TSPAN2: variants seen among roughly 807,000 people sequenced by gnomAD.
The protein encoded by TSPAN2 is tetraspanin 2.
Under a neutral mutation model 33.3 loss-of-function variants are expected in TSPAN2, and 24 were observed. The observed-to-expected ratio is 0.72, with a 90% confidence interval of 0.52 to 1.01. The LOEUF is 1.01. TSPAN2 is among the 50% of genes least tolerant of loss of function. The pLI is 0.00. For synonymous variants in TSPAN2, 114 were observed against 104.5 expected (o/e 1.09, Z -0.56); for missense variants, 278 against 281.3 (o/e 0.99, Z 0.08).
chr1:115,064,783 A>C (rs1346778247), intron 2 of TSPAN2, among the ~76,000 whole-genome samples: 5 of 152,196 alleles, frequency 3.3e-5, no homozygotes, highest in African/African-American at 1.2e-4. Flanking sequence ...CTCCAAAGCC[A>C]AGCACATGAG....
At chr1:115,059,149 G>A (rs1319761899) in intron 4 of TSPAN2, among the ~76,000 whole-genome samples, 168 bp from the exon 5 acceptor site, 1 of 152,134 alleles carries the variant, frequency 6.6e-6, no homozygotes, top group Admixed American at 6.5e-5. Flanking sequence ...AGTGAGGTGA[G>A]GGATAAAAGA....
chr1:115,069,929 G>A, intron 2 of TSPAN2, among the ~76,000 whole-genome samples: 1 of 152,076 alleles, frequency 6.6e-6, no homozygotes. Context: ...ATGACATGAA[G>A]GAGAGCTCAC....
At chr1:115,072,408 C>T (rs981169432) in intron 2 of TSPAN2, among the ~76,000 whole-genome samples, 1 of 152,140 alleles carries the variant, frequency 6.6e-6, no homozygotes, top group African/African-American at 2.4e-5. Context: ...ACCTTCAAAC[C>T]TGTATTTTGA....
In TSPAN2 at chr1:115,048,102, A is replaced by C. The variant is rs1342111224; in HGVS notation, c.*2388T>G. ...AGTGCCTTGGCATGAGACATTTAAA[A>C]GCATGTTTGGGTCTAATCTCAAATT... On this transcript the variant is annotated 3_prime_UTR_variant, in exon 8 of 8. Coordinates refer to ENST00000369516, the MANE Select transcript of TSPAN2 (RefSeq NM_005725.6). 1 of 151,768 alleles carries C rather than the reference A, an allele frequency of 6.6e-6. No individual in the cohort carries two copies. The highest frequency in any genetic ancestry group is 1.5e-5 in the Non-Finnish European group (1 of 67,836). 9.4% of individuals were successfully genotyped at this position (151,768 alleles called of 1,614,324 possible).
In TSPAN2 at chr1:115,077,701, C is replaced by G. The variant is rs190979086; in HGVS notation, c.70-4694G>C. 2.6e-5 allele frequency among the ~76,000 whole-genome samples: 4 copies of G among 152,326 alleles called. No homozygotes were observed. The East Asian group carries it at 7.7e-4, about 29-fold the overall frequency. ...TAGATTTCAATTTTATTTTACTGTA[C>G]TTACTTCCATTTCCTGGGATTGCTG... On this transcript the variant is annotated intron_variant, in intron 1 of 7. Coordinates refer to ENST00000369516, the MANE Select transcript of TSPAN2 (RefSeq NM_005725.6).
At chr1:115,086,588 C>T (rs1016071387) in intron 1 of TSPAN2, among the ~76,000 whole-genome samples, 1 of 152,166 alleles carries the variant, frequency 6.6e-6, no homozygotes, top group Non-Finnish European at 1.5e-5. Context: ...CACTGGTTAA[C>T]ACATTCAAGC....
intron 1 of TSPAN2, among the ~76,000 whole-genome samples, chr1:115,086,948 G>A (rs1210027926): frequency 2.6e-5 from 4 of 151,896 alleles, no homozygotes; most frequent in Non-Finnish European, 5.9e-5. Context: ...ATGGAGTTTC[G>A]CTCTTGTTGC....
chr1:115,059,304 T>C (rs529506663), intron 4 of TSPAN2, among the ~76,000 whole-genome samples: 61 of 152,218 alleles, frequency 4.0e-4, no homozygotes, highest in Non-Finnish European at 6.0e-4. Context: ...TGCCTTTCCA[T>C]AGGTATTTTA....
chr1:115,056,269 A>C (rs960642849), intron 6 of TSPAN2, among the ~76,000 whole-genome samples: 1 of 152,124 alleles, frequency 6.6e-6, no homozygotes, highest in Non-Finnish European at 1.5e-5. Context: ...TTGGACTTTG[A>C]CTTTTGTAAA....
chr1:115,048,811 T>C lies in TSPAN2; in HGVS notation c.*1679A>G, dbSNP rs1334589557. On this transcript the variant is annotated 3_prime_UTR_variant, in exon 8 of 8. Transcript: ENST00000369516. ...AGCTACAGACACAGTAAAGTAGCCA[T>C]GTATAATTAAGTTTTTAGCTTGCCT... The C allele has an allele frequency of 6.6e-6, 1 of 152,162 alleles. No homozygotes were observed. The highest frequency in any genetic ancestry group is 2.4e-5 in the African/African-American group (1 of 41,450). 9.4% of individuals were successfully genotyped at this position (152,162 alleles called of 1,614,324 possible).
chr1:115,062,227 A>G lies in TSPAN2; in HGVS notation c.178T>C (p.Tyr60His). ...AGGGCCCCGGCTCCAACCAGAACAT[A>G]CAGCCCTGTGGGGAAGAGGTCAGAG... is the stretch of plus-strand genomic sequence containing the variant. ...KSPEYFYVGL[Y>H]VLVGAGALMM... The change falls in exon 3 of 8, where the codon TAT becomes CAT. Residue 60 changes from tyrosine to histidine, a missense_variant. By Grantham distance (83) the Tyr-to-His change is moderately conservative. Coordinates refer to ENST00000369516, the MANE Select transcript of TSPAN2 (RefSeq NM_005725.6). The G allele has an allele frequency of 6.3e-7, 1 of 1,586,164 alleles. No individual in the cohort carries two copies. The highest frequency in any genetic ancestry group is 8.6e-7 in the Non-Finnish European group (1 of 1,165,728).
chr1:115,087,173 C>G (rs1648868433), intron 1 of TSPAN2, among the ~76,000 whole-genome samples: 1 of 151,892 alleles, frequency 6.6e-6, no homozygotes, highest in South Asian at 2.1e-4. Context: ...CCTGCCTTGG[C>G]CTCCTAAAGT....
intron 1 of TSPAN2, among the ~76,000 whole-genome samples, chr1:115,074,364 C>T (rs1648313143): frequency 6.6e-6 from 1 of 152,132 alleles, no homozygotes; most frequent in Non-Finnish European, 1.5e-5. Flanking sequence ...CAAGGCCAAT[C>T]CCCTTTGTGG....
At chr1:115,081,117 G>C (rs557760984) in intron 1 of TSPAN2, among the ~76,000 whole-genome samples, 16 of 152,320 alleles carry the variant, frequency 1.1e-4, no homozygotes, top group African/African-American at 3.8e-4. Flanking sequence ...TGTTTACTAA[G>C]AAGTTAGCAT....
At chr1:115,070,590 C>A (rs1426458551) in intron 2 of TSPAN2, among the ~76,000 whole-genome samples, 1 of 151,838 alleles carries the variant, frequency 6.6e-6, no homozygotes, top group African/African-American at 2.4e-5. Context: ...AGTCCTCAGA[C>A]CCCAACAGAG....
chr1:115,052,158 G>A (rs566746262), intron 7 of TSPAN2, among the ~76,000 whole-genome samples: 25 of 152,192 alleles, frequency 1.6e-4, no homozygotes, highest in Non-Finnish European at 2.9e-4. Flanking sequence ...TATCCCCAGA[G>A]CAGGTGGGGA....
Position 115,077,139 on chromosome 1 carries a change from G to A in TSPAN2, c.70-4132C>T, listed in dbSNP as rs140369280. 4.3e-3 allele frequency among the ~76,000 whole-genome samples: 654 copies of A among 151,754 alleles called. 5 individuals are homozygous for A. The highest frequency in any genetic ancestry group is 0.024 in the Middle Eastern group (7 of 294). ...TTACCATGTTGCCTAAGCTAGTCTC[G>A]AACTCCTGGACTCAAGTGATCTGCT... On this transcript the variant is annotated intron_variant, in intron 1 of 7. Transcript: ENST00000369516.
chr1:115,057,484 TA>T, intron 6 of TSPAN2, 52 bp downstream of exon 6: 1 of 1,553,292 alleles, frequency 6.4e-7, no homozygotes, highest in Non-Finnish European at 8.9e-7. Context: ...AATGGCTTCC[TA>T]AGCTAGCAGC....
chr1:115,066,195 G>A (rs761795356), intron 2 of TSPAN2, among the ~76,000 whole-genome samples: 1 of 152,208 alleles, frequency 6.6e-6, no homozygotes, highest in Non-Finnish European at 1.5e-5. Context: ...TATGAAAAGT[G>A]CTGCAATAAA....
Sources: allele counts gnomAD v4.1 joint callset (sites outside exome capture counted in the v4.1 genomes callset), GRCh38; gene constraint gnomAD v4.1.1; transcripts MANE v1.5; gene names NCBI Gene and HGNC (gene_info 2026-07-23, HGNC 2026-07-21).